The following C8orf89 variants were observed in gnomAD, a reference collection of about 807,000 sequenced individuals.
C8orf89 encodes the protein putative uncharacterized protein C8orf89.
Under a neutral mutation model 15.8 loss-of-function variants are expected in C8orf89, and 14 were observed. The observed-to-expected ratio is 0.89, with a 90% confidence interval of 0.59 to 1.39. C8orf89 has a LOEUF of 1.39. Ranked by LOEUF, C8orf89 falls within the 40% of genes most tolerant of loss-of-function variation. The pLI is 0.00. For missense variants in C8orf89, 181 were observed against 184.5 expected (o/e 0.98, Z 0.11); for synonymous variants, 55 against 62.2 (o/e 0.88, Z 0.54).
chr8:73,264,304 C>T (rs77329259), upstream of C8orf89, among the ~76,000 whole-genome samples: 136 of 152,280 alleles, frequency 8.9e-4, no homozygotes, highest in African/African-American at 3.1e-3. Flanking sequence ...GAATTTTTTG[C>T]TGCTCTGCAC....
chr8:73,272,150 C>T, the C8orf89 span, among the ~76,000 whole-genome samples: 1 of 151,888 alleles, frequency 6.6e-6, no homozygotes, highest in Admixed American at 6.6e-5. Flanking sequence ...ACTTAGATCT[C>T]CACCTTTTCC....
the C8orf89 span, among the ~76,000 whole-genome samples, chr8:73,267,541 AATG>A: frequency 6.6e-6 from 1 of 152,354 alleles, no homozygotes; most frequent in African/African-American, 2.4e-5. Flanking sequence ...TATTCAAATA[AATG>A]ATGATAGGAA....
At chr8:73,279,054 A>G in the C8orf89 span, among the ~76,000 whole-genome samples, 165 of 152,144 alleles carry the variant, frequency 1.1e-3, 1 homozygote, top group Middle Eastern at 0.027. Context: ...TCTTCTTCAT[A>G]TGGTCTTGTT....
At chr8:73,277,548 T>TCC in the C8orf89 span, 8 of 763,178 alleles carry the variant, frequency 1.0e-5, no homozygotes, top group African/African-American at 3.4e-5. Flanking sequence ...CAGAGAAGCC[T>TCC]CCATTCCAGG....
chr8:73,260,311 C>T (rs560529599), upstream of C8orf89, among the ~76,000 whole-genome samples: 3 of 151,906 alleles, frequency 2.0e-5, no homozygotes, highest in South Asian at 6.2e-4. Flanking sequence ...ACCACATGTT[C>T]TCACTCATAG....
At chr8:73,241,968 C>A (rs1030861459) in intron 3 of C8orf89, among the ~76,000 whole-genome samples, 14 of 151,966 alleles carry the variant, frequency 9.2e-5, no homozygotes, top group African/African-American at 3.4e-4. Flanking sequence ...AACCAGATCG[C>A]ATCTCTCGAC....
the C8orf89 span, among the ~76,000 whole-genome samples, chr8:73,274,609 T>A: frequency 6.6e-6 from 1 of 152,214 alleles, no homozygotes; most frequent in East Asian, 1.9e-4. Flanking sequence ...GTTTGCGTCC[T>A]ATGTTTTTAA....
chr8:73,262,682 T>G (rs372549190), upstream of C8orf89, among the ~76,000 whole-genome samples: 1 of 151,686 alleles, frequency 6.6e-6, no homozygotes, highest in East Asian at 1.9e-4. Flanking sequence ...CCAAGCATAG[T>G]GGCATACATC....
chr8:73,273,309 C>T, the C8orf89 span, among the ~76,000 whole-genome samples: 1 of 152,232 alleles, frequency 6.6e-6, no homozygotes, highest in Middle Eastern at 3.2e-3. Flanking sequence ...AACCACTTGC[C>T]TCTGTAGGCT....
rs74805031 is a variant in C8orf89 at position 73,256,198 on chromosome 8, T to A, written c.281+775A>T. Among the ~76,000 whole-genome samples, 1,439 of 151,868 alleles carry A rather than the reference T, an allele frequency of 9.5e-3. 19 individuals are homozygous for A. Among genetic ancestry groups the A allele is most frequent in the Middle Eastern group, 0.017 (5 of 290 alleles). Reference sequence around the variant, plus strand: ...CAGTATTCAAGGTCAGGGAGACTTTTCTGGCTGAAAAATTCATTTCTGATA... The same window carrying A: ...CAGTATTCAAGGTCAGGGAGACTTTACTGGCTGAAAAATTCATTTCTGATA... On this transcript the variant is annotated intron_variant, in intron 2 of 3. Coordinates refer to ENST00000624510, the MANE Select transcript of C8orf89 (RefSeq NM_001243237.3).
chr8:73,247,271 T>TG lies in C8orf89; in HGVS notation c.337+2996_337+2997insC, dbSNP rs1360612715. Among the ~76,000 whole-genome samples the TG allele has an allele frequency of 7.0e-3, 4 of 570 alleles. No homozygotes were observed. The Admixed American group carries it at 0.12, about 17-fold the overall frequency. The allele number at this position is 570 out of a possible 152,430, so 0.4% of individuals were successfully genotyped here. On this transcript the variant is annotated intron_variant, in intron 3 of 3. Transcript: ENST00000624510. ...ATCCATGTTCCTGCAAAGGACATGA[T>TG]CTGTTCTTTTTTATGGCTGCATAGT...
intron 1 of C8orf89, among the ~76,000 whole-genome samples, chr8:73,258,739 T>G (rs2910014): frequency 6.6e-6 from 1 of 151,384 alleles, no homozygotes; most frequent in Non-Finnish European, 1.5e-5. Context: ...AGGTGATCCT[T>G]CTACCCTCAG....
chr8:73,274,795 C>T, the C8orf89 span, among the ~76,000 whole-genome samples: 5 of 152,248 alleles, frequency 3.3e-5, no homozygotes, highest in East Asian at 5.8e-4. Flanking sequence ...AAATAAGTTA[C>T]ACATATCTTC....
chr8:73,281,670 C>T, the C8orf89 span, among the ~76,000 whole-genome samples: 3 of 152,078 alleles, frequency 2.0e-5, no homozygotes, highest in African/African-American at 7.2e-5. Context: ...TTTGTTTTTG[C>T]TTTTTGAGCA....
chr8:73,241,601 A>G lies in C8orf89; in HGVS notation c.342T>C (p.Ser114=), dbSNP rs1287143272. The change falls in exon 4 of 4, where the codon TCT becomes TCC. Residue 114 remains serine (S), a synonymous_variant. Coordinates refer to ENST00000624510, the MANE Select transcript of C8orf89 (RefSeq NM_001243237.3). ...VAPLWEKSKG[S]GFSDPLTGAP... ...CTCCAGTGAGAGGATCACTGAAGCCAGAACCTGGAGGAGGAGGTGGGGAGT... is the reference window on the plus strand; with the variant it reads ...CTCCAGTGAGAGGATCACTGAAGCCGGAACCTGGAGGAGGAGGTGGGGAGT... The G allele has an allele frequency of 6.6e-7, 1 of 1,513,552 alleles. No homozygotes were observed. Among genetic ancestry groups the G allele is most frequent in the Admixed American group, 2.1e-5 (1 of 48,452 alleles). The allele number at this position is 1,513,552 out of a possible 1,614,324, so 93.8% of individuals were successfully genotyped here.
At chr8:73,256,815 T>C (rs1383203094) in intron 2 of C8orf89, among the ~76,000 whole-genome samples, 158 bp downstream of exon 2, 1 of 110,380 alleles carries the variant, frequency 9.1e-6, no homozygotes, top group Non-Finnish European at 1.9e-5. Flanking sequence ...TCAAACTGAA[T>C]AAAATAGCTT....
the C8orf89 span, chr8:73,277,464 G>A: frequency 1.4e-5 from 14 of 1,011,784 alleles, no homozygotes; most frequent in South Asian, 4.4e-5. Context: ...CTCGGTGCTC[G>A]AGAAGAATCC....
chr8:73,251,494 T>C (rs1813247167), intron 2 of C8orf89, among the ~76,000 whole-genome samples: 1 of 152,250 alleles, frequency 6.6e-6, no homozygotes. Flanking sequence ...GCACTTCATA[T>C]ACATTATGTC....
chr8:73,250,338 T>C lies in C8orf89; in HGVS notation c.282-15A>G, dbSNP rs1813221029. On this transcript the variant is annotated splice_polypyrimidine_tract_variant and intron_variant, in intron 2 of 3. Transcript: ENST00000624510. ...TCTTCTTTAGCCTGAATATTATATA[T>C]TATCATAAAATTACTTACATATAAA... is the stretch of plus-strand genomic sequence containing the variant. The C allele has an allele frequency of 6.8e-7, 1 of 1,467,518 alleles. No individual in the cohort carries two copies. Among genetic ancestry groups the C allele is most frequent in the East Asian group, 2.5e-5 (1 of 40,478 alleles). 90.9% of individuals were successfully genotyped at this position (1,467,518 alleles called of 1,614,324 possible). A position where few individuals can be genotyped will look rare whatever the true frequency, so the allele number is the denominator to read the frequency against.
Sources: allele counts gnomAD v4.1 joint callset (sites outside exome capture counted in the v4.1 genomes callset), GRCh38; gene constraint gnomAD v4.1.1; transcripts MANE v1.5; gene names NCBI Gene and HGNC (gene_info 2026-07-23, HGNC 2026-07-21).